Variants in ANO1 observed in about 807,000 individuals in gnomAD.
ANO1 encodes anoctamin 1, also known as anoctamin-1.
Under a neutral mutation model 124.0 loss-of-function variants are expected in ANO1, and 59 were observed. The observed-to-expected ratio is 0.48, with a 90% CI of 0.39 to 0.59. The LOEUF (loss-of-function observed/expected upper bound fraction) is 0.59. ANO1 is among the 20% of genes least tolerant of loss of function. The pLI, the probability that ANO1 is intolerant of heterozygous loss-of-function variation, is 0.00. For synonymous variants in ANO1, 529 were observed against 532.0 expected (o/e 0.99, Z 0.08); for missense variants, 1,059 against 1,328.0 (o/e 0.80, Z 3.15).
At chr11:70,133,720 G>C (rs2046849280) in intron 11 of ANO1, among the ~76,000 whole-genome samples, 1 of 152,242 alleles carries the variant, frequency 6.6e-6, no homozygotes, top group Admixed American at 6.5e-5. Context: ...GAAGCCGACA[G>C]GCTCAGGTTA....
At chr11:70,118,972 A>AGATGGATG (rs138448490) in intron 8 of ANO1, among the ~76,000 whole-genome samples, 2 of 132,232 alleles carry the variant, frequency 1.5e-5, no homozygotes, top group Admixed American at 1.5e-4. Flanking sequence ...GTGAATGGGT[A>AGATGGATG]GATGGATGGA....
At chr11:70,105,848 G>A (rs375855713) in intron 5 of ANO1, 60 bp downstream of exon 5, 3 of 1,541,750 alleles carry the variant, frequency 1.9e-6, no homozygotes, top group South Asian at 1.1e-5. Flanking sequence ...GGATCCAGAT[G>A]ATAATTTCAT....
chr11:69,983,101 T>A (rs143287275), upstream of ANO1, among the ~76,000 whole-genome samples: 1 of 152,046 alleles, frequency 6.6e-6, no homozygotes, highest in African/African-American at 2.4e-5. Context: ...CCCAGCAGCA[T>A]TGGGGAGCAG....
intron 5 of ANO1, among the ~76,000 whole-genome samples, chr11:70,106,721 A>C (rs2045564028): frequency 6.6e-6 from 1 of 152,226 alleles, no homozygotes; most frequent in Non-Finnish European, 1.5e-5. Flanking sequence ...ATAGTCATCA[A>C]AATCCAACAG....
intron 1 of ANO1, among the ~76,000 whole-genome samples, chr11:69,997,959 C>T (rs960397628): frequency 6.6e-6 from 1 of 152,120 alleles, no homozygotes; most frequent in Admixed American, 6.6e-5. Flanking sequence ...TTATAAATTA[C>T]CCAGGCTTCA....
chr11:70,036,753 A>G (rs1453281664), intron 1 of ANO1, among the ~76,000 whole-genome samples: 1 of 151,912 alleles, frequency 6.6e-6, no homozygotes, highest in African/African-American at 2.4e-5. Flanking sequence ...GACTATAGGC[A>G]CCCGCCACCA....
chr11:70,003,609 GGATGGA>G (rs1351643328), intron 1 of ANO1, among the ~76,000 whole-genome samples: 55,937 of 138,296 alleles, frequency 0.4, 11,600 homozygotes, highest in Admixed American at 0.47. Flanking sequence ...ATGGATGGAT[GGATGGA>G]TGGATGGATG....
intron 12 of ANO1, among the ~76,000 whole-genome samples, chr11:70,151,776 C>A (rs2135642413): frequency 1.3e-5 from 2 of 152,316 alleles, no homozygotes; most frequent in Admixed American, 1.3e-4. Flanking sequence ...CTCCACATAG[C>A]CTGAACCCCA....
chr11:70,171,615 CT>C (rs2048476203), intron 22 of ANO1, among the ~76,000 whole-genome samples: 1 of 152,182 alleles, frequency 6.6e-6, no homozygotes, highest in Admixed American at 6.5e-5. Context: ...ACTAAGACAC[CT>C]TGACCATGTG....
chr11:69,994,302 G>A (rs180680740), intron 1 of ANO1, among the ~76,000 whole-genome samples: 8 of 152,166 alleles, frequency 5.3e-5, no homozygotes, highest in African/African-American at 1.7e-4. Context: ...TTTGGATGCT[G>A]ATCTATTATT....
At chr11:70,052,843 G>A (rs142472643) in intron 1 of ANO1, among the ~76,000 whole-genome samples, 50 of 152,022 alleles carry the variant, frequency 3.3e-4, no homozygotes, top group African/African-American at 1.1e-3. Context: ...CACTGCGCCC[G>A]GCCCCAGTTT....
At chr11:69,970,519 A>G in the ANO1 span, among the ~76,000 whole-genome samples, 1 of 152,178 alleles carries the variant, frequency 6.6e-6, no homozygotes, top group Non-Finnish European at 1.5e-5. Context: ...TTTAGCAACA[A>G]CTTCACACAG....
chr11:70,027,728 G>C (rs1236479504), intron 1 of ANO1, among the ~76,000 whole-genome samples: 5 of 152,234 alleles, frequency 3.3e-5, no homozygotes, highest in African/African-American at 4.8e-5. Context: ...ACGTGTGCCA[G>C]GGCAGGGGTG....
chr11:70,084,951 A>G (rs1268670019), intron 1 of ANO1, among the ~76,000 whole-genome samples: 1 of 152,092 alleles, frequency 6.6e-6, no homozygotes, highest in African/African-American at 2.4e-5. Context: ...GGACCTAACT[A>G]TAGTAACCCC....
At chr11:70,151,040 G>A (rs534521569) in intron 12 of ANO1, among the ~76,000 whole-genome samples, 2 of 152,292 alleles carry the variant, frequency 1.3e-5, no homozygotes, top group Admixed American at 1.3e-4. Context: ...ACGGGCCTCT[G>A]GGGCCAGGCT....
At chr11:70,169,032 T>TG (rs1256370795) in intron 21 of ANO1, among the ~76,000 whole-genome samples, 3 of 152,196 alleles carry the variant, frequency 2.0e-5, no homozygotes, top group Admixed American at 2.0e-4. Context: ...AAACTCAGCA[T>TG]TGGCCATGTG....
Position 70,185,828 on chromosome 11 carries a change from C to T in ANO1, c.2694+133C>T, listed in dbSNP as rs952658970. 5 of 988,876 alleles carry T rather than the reference C, an allele frequency of 5.1e-6. No homozygotes were observed. In the African/African-American group the frequency reaches 6.5e-5, roughly 13 times the overall value. 61.3% of individuals were successfully genotyped at this position (988,876 alleles called of 1,614,324 possible). On this transcript the variant is annotated intron_variant, in intron 25 of 25. Coordinates refer to ENST00000355303, the MANE Select transcript of ANO1 (RefSeq NM_018043.7). ...CTCCTCCAGAGGCTTGGAGAACTTG[C>T]TCTGGGACACCCGAGGAGGGGACTT...
chr11:70,185,150 G>A (rs2049063511), intron 24 of ANO1, among the ~76,000 whole-genome samples: 1 of 152,184 alleles, frequency 6.6e-6, no homozygotes, highest in African/African-American at 2.4e-5. Context: ...GGTTCAGGAG[G>A]TTCAAGCTTA....
intron 10 of ANO1, among the ~76,000 whole-genome samples, chr11:70,128,833 G>C (rs978989536): frequency 1.3e-5 from 2 of 152,258 alleles, no homozygotes; most frequent in Non-Finnish European, 2.9e-5. Flanking sequence ...TTGTTGGGCT[G>C]ATGGTGTTTG....
Sources: allele counts gnomAD v4.1 joint callset (sites outside exome capture counted in the v4.1 genomes callset), GRCh38; gene constraint gnomAD v4.1.1; transcripts MANE v1.5; gene names NCBI Gene and HGNC (gene_info 2026-07-23, HGNC 2026-07-21).